Variants in XPR1 observed in about 807,000 individuals in gnomAD.
The protein encoded by XPR1 is solute carrier family 53 member 1.
XPR1 carries 28 observed loss-of-function variants against 87.5 expected under a neutral mutation model. The observed-to-expected ratio is 0.32, with a 90% CI of 0.24 to 0.44. The LOEUF (loss-of-function observed/expected upper bound fraction) is 0.44, where lower values mean the gene tolerates loss of function less well. Among genes scored for constraint, XPR1 ranks in the 20% least tolerant of loss-of-function variants. The pLI, the probability that XPR1 is intolerant of heterozygous loss-of-function variation, is 1.00. For missense variants in XPR1, 559 were observed against 862.3 expected, an observed-to-expected ratio of 0.65 and a Z score of 4.41; for synonymous variants, 300 against 306.1, an observed-to-expected ratio of 0.98 and a Z score of 0.21.
chr1:180,876,330 A>G (rs1652662840), intron 13 of XPR1, among the ~76,000 whole-genome samples: 1 of 152,230 alleles, frequency 6.6e-6, no homozygotes, highest in African/African-American at 2.4e-5. Flanking sequence ...GGAATGTAAG[A>G]TTTAACATTC....
intron 14 of XPR1, 104 bp from the exon 15 acceptor site, chr1:180,883,902 A>G: frequency 1.0e-6 from 1 of 966,134 alleles, no homozygotes; most frequent in East Asian, 2.5e-5. Context: ...CCTGTTTAGG[A>G]TGTATGTTTA....
At position 180,787,813 on chromosome 1, in the gene XPR1, C is replaced by T; in HGVS notation, c.182C>T (p.Thr61Ile). The stretch of plus-strand genomic sequence containing the variant: ...AAGTTTGAAGAGAAGTTTTTCCAAA[C>T]CTGTGAAAAAGAACTTGCCAAAATC... Reference protein sequence around the residue: ...FAKFEEKFFQTCEKELAKINT... With the variant: ...FAKFEEKFFQICEKELAKINT... The change falls in exon 3 of 15, where the codon ACC becomes ATC. Residue 61 changes from threonine to isoleucine, a missense_variant. Physicochemically the swap from Thr to Ile is moderately conservative, Grantham distance 89. Coordinates refer to ENST00000367590, the MANE Select transcript of XPR1 (RefSeq NM_004736.4). 6.2e-7 allele frequency: 1 copy of T among 1,613,206 alleles called. No homozygotes were observed. Among genetic ancestry groups the T allele is most frequent in the Middle Eastern group, 1.7e-4 (1 of 6,060 alleles).
At chr1:180,818,168 C>T (rs1650481327) in intron 7 of XPR1, among the ~76,000 whole-genome samples, 1 of 152,132 alleles carries the variant, frequency 6.6e-6, no homozygotes, top group African/African-American at 2.4e-5. Context: ...TGGAGTGAGA[C>T]GAGGCTTCTC....
intron 2 of XPR1, among the ~76,000 whole-genome samples, chr1:180,715,740 G>A (rs569353192): frequency 7.3e-5 from 11 of 151,052 alleles, no homozygotes; most frequent in South Asian, 2.1e-4. Context: ...GCAATGGTGC[G>A]ATCTTGGCTC....
At chr1:180,649,362 C>T (rs907965968) in intron 1 of XPR1, among the ~76,000 whole-genome samples, 4 of 151,988 alleles carry the variant, frequency 2.6e-5, no homozygotes, top group Non-Finnish European at 5.9e-5. Context: ...AACCCGGAGG[C>T]GGAGCTTGCA....
At chr1:180,731,256 A>G (rs1226534067) in intron 2 of XPR1, among the ~76,000 whole-genome samples, 1 of 152,212 alleles carries the variant, frequency 6.6e-6, no homozygotes, top group Non-Finnish European at 1.5e-5. Flanking sequence ...GGTTTGGTCT[A>G]GGTCCTGCTG....
Position 180,859,988 on chromosome 1 carries a change from T to G in XPR1, c.1502-3720T>G, listed in dbSNP as rs181126537. Among the ~76,000 whole-genome samples the G allele has an allele frequency of 5.3e-5, 8 of 152,194 alleles. No individual in the cohort carries two copies. The East Asian group carries it at 1.5e-3, about 29-fold the overall frequency. On this transcript the variant is annotated intron_variant, in intron 11 of 14. Transcript: ENST00000367590. ...GAGAACTGGAATACAGAATAAATTT[T>G]AAAATTTCAGACAATGCAATAATAA...
At chr1:180,656,961 G>A (rs1005726110) in intron 1 of XPR1, among the ~76,000 whole-genome samples, 3 of 151,790 alleles carry the variant, frequency 2.0e-5, no homozygotes, top group South Asian at 2.1e-4. Context: ...CACCAATAGC[G>A]TTTGAGGGTT....
chr1:180,723,641 C>A (rs745633787), intron 2 of XPR1, among the ~76,000 whole-genome samples: 1 of 152,126 alleles, frequency 6.6e-6, no homozygotes, highest in Non-Finnish European at 1.5e-5. Context: ...ATAAAATAGT[C>A]TCTTCCTTTT....
At position 180,884,252 on chromosome 1, in the gene XPR1, G is replaced by T; in HGVS notation, c.*186G>T. 2.1e-6 allele frequency: 1 copy of T among 474,490 alleles called. No homozygotes were observed. 29.4% of individuals were successfully genotyped at this position (474,490 alleles called of 1,614,324 possible). On this transcript the variant is annotated 3_prime_UTR_variant, in exon 15 of 15. Transcript: ENST00000367590. ...ACTGTGTTTCTTTTCTTTTCTTCTG[G>T]TTTAATTTTAATTTTCTATTTTCAA...
At chr1:180,686,562 A>G (rs960591866) in intron 2 of XPR1, among the ~76,000 whole-genome samples, 1 of 152,118 alleles carries the variant, frequency 6.6e-6, no homozygotes, top group African/African-American at 2.4e-5. Context: ...TGTCTCGTTG[A>G]TCTGTCTGAT....
intron 2 of XPR1, among the ~76,000 whole-genome samples, chr1:180,746,585 G>GT (rs575456987): frequency 1.7e-4 from 26 of 151,298 alleles, no homozygotes; most frequent in Middle Eastern, 3.4e-3. Flanking sequence ...TTGTATAGGG[G>GT]TTTTTTTTTG....
chr1:180,880,374 A>G lies in XPR1; in HGVS notation c.2030+77A>G, dbSNP rs764285499. 275 of 1,541,804 alleles carry G rather than the reference A, an allele frequency of 1.8e-4. 1 individual carries two copies. The highest frequency in any genetic ancestry group is 2.1e-4 in the Non-Finnish European group (242 of 1,126,636). ...TGGGTAGCATGTAAGCTAAAAAGCT[A>G]TCAGGTTGAACCAAATGAAATTGCC... On this transcript the variant is annotated intron_variant, in intron 14 of 14. Coordinates refer to ENST00000367590, the MANE Select transcript of XPR1 (RefSeq NM_004736.4).
At chr1:180,848,853 A>G (rs1427490432) in intron 11 of XPR1, among the ~76,000 whole-genome samples, 2 of 152,188 alleles carry the variant, frequency 1.3e-5, no homozygotes, top group Non-Finnish European at 2.9e-5. Context: ...ATAATATACC[A>G]TGACTAAGAT....
intron 11 of XPR1, among the ~76,000 whole-genome samples, chr1:180,857,151 T>C (rs1010587219): frequency 2.0e-5 from 3 of 152,220 alleles, no homozygotes; most frequent in East Asian, 1.9e-4. Flanking sequence ...TTATTACATA[T>C]ACTCTTTCTC....
At chr1:180,788,811 T>A (rs558368818) in intron 3 of XPR1, among the ~76,000 whole-genome samples, 3 of 152,226 alleles carry the variant, frequency 2.0e-5, no homozygotes, top group Admixed American at 2.0e-4. Flanking sequence ...CATAATCTTA[T>A]AACTAGCACA....
At chr1:180,717,138 G>A (rs1658023241) in intron 2 of XPR1, among the ~76,000 whole-genome samples, 1 of 152,082 alleles carries the variant, frequency 6.6e-6, no homozygotes, top group Non-Finnish European at 1.5e-5. Context: ...GATTACAGGT[G>A]CCTGCCACCA....
Position 180,884,398 on chromosome 1 carries a change from A to C in XPR1, c.*332A>C. The C allele has an allele frequency of 5.1e-6, 1 of 196,418 alleles. No individual in the cohort carries two copies. The highest frequency in any genetic ancestry group is 1.1e-4 in the South Asian group (1 of 9,342). The allele number at this position is 196,418 out of a possible 1,614,324, so 12.2% of individuals were successfully genotyped here. On this transcript the variant is annotated 3_prime_UTR_variant, in exon 15 of 15. Transcript: ENST00000367590. ...TATCAGGATGAAGAACAGGCATTGCAAGGACCCTCTGATGGGACGGTACTG... is the reference window on the plus strand; with the variant it reads ...TATCAGGATGAAGAACAGGCATTGCCAGGACCCTCTGATGGGACGGTACTG...
intron 1 of XPR1, among the ~76,000 whole-genome samples, chr1:180,649,630 G>A (rs1243506216): frequency 1.3e-5 from 2 of 152,176 alleles, no homozygotes; most frequent in Non-Finnish European, 2.9e-5. Context: ...GACTCTTTAA[G>A]TAAACATATT....
Sources: gnomAD v4.1 joint callset for allele counts (sites outside exome capture counted in the v4.1 genomes callset) on GRCh38, gnomAD v4.1.1 for gene constraint, MANE v1.5 for transcripts, NCBI Gene and HGNC (gene_info 2026-07-23, HGNC 2026-07-21) for gene names.